The following DDRGK1 variants were observed in gnomAD, a reference collection of about 807,000 sequenced individuals.
DDRGK1 encodes the protein DDRGK domain-containing protein 1.
In DDRGK1, 38 loss-of-function variants were observed where a neutral mutation model predicts 45.8. The ratio of observed to expected loss-of-function variants is 0.83; its 90% CI spans 0.64 to 1.09. DDRGK1 has a LOEUF of 1.09. Among genes scored for constraint, DDRGK1 ranks in the 50% least tolerant of loss-of-function variants. The probability of loss-of-function intolerance (pLI) is 0.00; values close to 1 mark genes in which losing one functional copy is unlikely to be tolerated. For synonymous variants in DDRGK1, 171 were observed against 168.7 expected, an observed-to-expected ratio of 1.01 and a Z score of -0.11; for missense variants, 403 against 419.9, an observed-to-expected ratio of 0.96 and a Z score of 0.35.
At chr20:3,193,175 C>A (rs986070926) in intron 6 of DDRGK1, among the ~76,000 whole-genome samples, 2 of 152,198 alleles carry the variant, frequency 1.3e-5, no homozygotes, top group African/African-American at 4.8e-5. Flanking sequence ...GAGAATGGAA[C>A]AAGATCGAGT....
In DDRGK1 at chr20:3,191,242, TGAG is replaced by T. The variant is rs761085623; in HGVS notation, c.730-7_730-5del. The T allele has an allele frequency of 1.5e-5, 24 of 1,614,182 alleles. No homozygotes were observed. Among genetic ancestry groups the T allele is most frequent in the South Asian group, 9.9e-5 (9 of 91,086 alleles). ...CCTGGATGCGATTTATGGTGTCCTA[TGAG>T]GAGAACAACTCTCAGAATAGAGATA... On this transcript the variant is annotated splice_region_variant and splice_polypyrimidine_tract_variant and intron_variant, in intron 7 of 8. Coordinates refer to ENST00000354488, the MANE Select transcript of DDRGK1 (RefSeq NM_023935.3).
At chr20:3,196,480 A>T (rs948684289) in intron 4 of DDRGK1, among the ~76,000 whole-genome samples, 1 of 151,048 alleles carries the variant, frequency 6.6e-6, no homozygotes, top group South Asian at 2.1e-4. Context: ...GATCGAGACC[A>T]TCCTGGCTAA....
intron 6 of DDRGK1, 74 bp downstream of exon 6, chr20:3,194,756 C>T: frequency 1.3e-6 from 2 of 1,589,286 alleles, no homozygotes; most frequent in Non-Finnish European, 8.6e-7. Flanking sequence ...TGCCTGCAGC[C>T]CCCGCTGGAG....
intron 2 of DDRGK1, among the ~76,000 whole-genome samples, chr20:3,200,914 T>C (rs943470704): frequency 4.3e-4 from 65 of 152,282 alleles, no homozygotes; most frequent in African/African-American, 1.5e-3. Flanking sequence ...ATCGAGATCA[T>C]CCTGGCTAAC....
rs1278633860 is a variant in DDRGK1 at position 3,191,084 on chromosome 20, C to A, written c.778+106G>T. 12 of 1,447,662 alleles carry A rather than the reference C, an allele frequency of 8.3e-6. No individual in the cohort carries two copies. The East Asian group carries it at 2.5e-4, about 31-fold the overall frequency. The allele number at this position is 1,447,662 out of a possible 1,614,324, so 89.7% of individuals were successfully genotyped here. ...CAGTGCCCCTCCTTGCACACCCCTCCCCCCATCTTGGGTGGTCATCCTGCC... is the reference window on the plus strand; with the variant it reads ...CAGTGCCCCTCCTTGCACACCCCTCACCCCATCTTGGGTGGTCATCCTGCC... On this transcript the variant is annotated intron_variant, in intron 8 of 8. Transcript: ENST00000354488.
chr20:3,195,488 C>T (rs968083220), intron 4 of DDRGK1, 135 bp from the exon 5 acceptor site: 134 of 1,276,718 alleles, frequency 1.0e-4, no homozygotes, highest in South Asian at 6.4e-4. Context: ...CTTCAGGACC[C>T]CCATTTCTCC....
chr20:3,201,032 C>T (rs1321074326), intron 2 of DDRGK1, among the ~76,000 whole-genome samples: 2 of 152,086 alleles, frequency 1.3e-5, no homozygotes, highest in African/African-American at 2.4e-5. Context: ...ATAATGTGAA[C>T]CCAGGAGCCG....
At chr20:3,196,482 C>G (rs925122973) in intron 4 of DDRGK1, among the ~76,000 whole-genome samples, 1 of 150,652 alleles carries the variant, frequency 6.6e-6, no homozygotes, top group Non-Finnish European at 1.5e-5. Flanking sequence ...TCGAGACCAT[C>G]CTGGCTAACA....
In DDRGK1 at chr20:3,200,405, C is replaced by A. The variant is rs1296774625; in HGVS notation, c.345G>T (p.Gly115=). The stretch of plus-strand genomic sequence containing the variant: ...TCCGCAGTTTCTTAGCTCCAATTTT[C>A]CCCGACAGGTGAGTTTCCGCTGGCT... ...VEKPAETHLS[G]KIGAKKLRKL... The change falls in exon 3 of 9, where the codon GGG becomes GGT. Residue 115 remains glycine, a synonymous_variant. Transcript: ENST00000354488. 1 of 1,584,656 alleles carries A rather than the reference C, an allele frequency of 6.3e-7. No individual in the cohort carries two copies. The highest frequency in any genetic ancestry group is 1.8e-5 in the Admixed American group (1 of 55,658).
chr20:3,196,521 C>CA (rs11382726), intron 4 of DDRGK1, among the ~76,000 whole-genome samples: 98,116 of 145,232 alleles, frequency 0.68, 33,635 homozygotes, highest in Middle Eastern at 0.75. Context: ...ACTAAAAATA[C>CA]AAAAAAAAAA....
At position 3,200,087 on chromosome 20, in the gene DDRGK1, G is replaced by A. The variant is rs750231153; in HGVS notation, c.424C>T (p.Arg142Cys). Reference sequence around the variant, plus strand: ...GACTCGAGTCGTTTCCGCTCCTCACGTTCAGCCTCCTCTGCCTGGAGAGAG... The same window carrying A: ...GACTCGAGTCGTTTCCGCTCCTCACATTCAGCCTCCTCTGCCTGGAGAGAG... The part of the protein sequence containing the change: ...KAQREAEEAE[R>C]EERKRLESQR... Residue 142 changes from arginine (R) to cysteine (C), a missense_variant, in exon 4 of 9, where the codon CGT becomes TGT. Transcript: ENST00000354488. The A allele has an allele frequency of 1.4e-5, 23 of 1,603,014 alleles. No homozygotes were observed. Among genetic ancestry groups the A allele is most frequent in the Admixed American group, 3.4e-5 (2 of 59,624 alleles).
In DDRGK1 at chr20:3,190,419, A is replaced by G. The variant is rs2066984378; in HGVS notation, c.*234T>C. On this transcript the variant is annotated 3_prime_UTR_variant, in exon 9 of 9. Transcript: ENST00000354488. Reference sequence around the variant, plus strand: ...AAGAACAGGACTTCACCAGCTTCCAAGGGACCCTCCCCACCTCTCGGATAT... The same window carrying G: ...AAGAACAGGACTTCACCAGCTTCCAGGGGACCCTCCCCACCTCTCGGATAT... 1.8e-6 allele frequency: 1 copy of G among 540,716 alleles called. No homozygotes were observed. The allele number at this position is 540,716 out of a possible 1,614,324, so 33.5% of individuals were successfully genotyped here.
Position 3,190,720 on chromosome 20 carries a change from T to C in DDRGK1, c.878A>G (p.Glu293Gly). 3 of 1,614,036 alleles carry C rather than the reference T, an allele frequency of 1.9e-6. No individual in the cohort carries two copies. The highest frequency in any genetic ancestry group is 2.5e-6 in the Non-Finnish European group (3 of 1,179,990). The change falls in exon 9 of 9, where the codon GAG becomes GGG. Residue 293 changes from glutamate (E) to glycine (G), a missense_variant. Glu to Gly is a moderately conservative substitution (Grantham distance 98, BLOSUM62 -2). Coordinates refer to ENST00000354488, the MANE Select transcript of DDRGK1 (RefSeq NM_023935.3). ...IRQRGRVSIA[E>G]LAQASNSLIA... ...GAGGGAGTTGCTGGCTTGGGCAAGC[T>C]CGGCGATGGACACCCGGCCCCGCTG... is the stretch of plus-strand genomic sequence containing the variant.
At chr20:3,198,151 T>C (rs1323879177) in intron 4 of DDRGK1, among the ~76,000 whole-genome samples, 1 of 146,404 alleles carries the variant, frequency 6.8e-6, no homozygotes, top group Non-Finnish European at 1.5e-5. Context: ...CTCATGCCTG[T>C]AATCCCAGCA....
chr20:3,192,416 A>AG (rs1202211763), intron 6 of DDRGK1, among the ~76,000 whole-genome samples: 3 of 152,164 alleles, frequency 2.0e-5, no homozygotes, highest in Admixed American at 2.0e-4. Context: ...AGCAGATAAA[A>AG]GCCCGAGCAA....
At chr20:3,197,916 T>A (rs2067018604) in intron 4 of DDRGK1, among the ~76,000 whole-genome samples, 1 of 135,596 alleles carries the variant, frequency 7.4e-6, no homozygotes. Flanking sequence ...AGCAAGACTG[T>A]ATCTCAAAAA....
chr20:3,194,736 C>T, intron 6 of DDRGK1, 94 bp downstream of exon 6: 1 of 1,535,224 alleles, frequency 6.5e-7, no homozygotes, highest in Non-Finnish European at 9.0e-7. Context: ...CTGCATGAGC[C>T]TGAATGCCCT....
In DDRGK1 at chr20:3,190,830, A is replaced by C; in HGVS notation, c.779-11T>G. ...GGTCGTCAATCACACCTGTGGGGAC[A>C]TGCAGGTTGTGGGGCTGAGGCCTCC... is the stretch of plus-strand genomic sequence containing the variant. On this transcript the variant is annotated splice_polypyrimidine_tract_variant and intron_variant, in intron 8 of 8. Coordinates refer to ENST00000354488, the MANE Select transcript of DDRGK1 (RefSeq NM_023935.3). 1 of 1,607,014 alleles carries C rather than the reference A, an allele frequency of 6.2e-7. No individual in the cohort carries two copies.
chr20:3,193,617 C>T (rs1294223042), intron 6 of DDRGK1, among the ~76,000 whole-genome samples: 2 of 152,148 alleles, frequency 1.3e-5, no homozygotes, highest in African/African-American at 4.8e-5. Context: ...GTGATCTGCC[C>T]GCCTCGGCCT....
Sources: allele counts gnomAD v4.1 joint callset (sites outside exome capture counted in the v4.1 genomes callset), GRCh38; gene constraint gnomAD v4.1.1; transcripts MANE v1.5; gene names NCBI Gene and HGNC (gene_info 2026-07-23, HGNC 2026-07-21).